Variants in CLIC5 observed in about 807,000 individuals in gnomAD.
CLIC5 encodes CLIC family member 5.
CLIC5 carries 20 observed loss-of-function variants against 24.7 expected under a neutral mutation model. That is an observed-to-expected ratio of 0.81 (90% CI 0.57 to 1.18). CLIC5 has a LOEUF of 1.18. CLIC5 is among the 50% of genes most tolerant of loss of function. The pLI is 0.00. For missense variants in CLIC5, 341 were observed against 326.1 expected (o/e 1.05, Z -0.35); for synonymous variants, 159 against 135.6 (o/e 1.17, Z -1.20).
chr6:46,004,446 C>T (rs568065417), intron 1 of CLIC5, among the ~76,000 whole-genome samples: 1 of 152,294 alleles, frequency 6.6e-6, no homozygotes, highest in East Asian at 1.9e-4. Flanking sequence ...CTTCAATCTT[C>T]CCTGTGCTGG....
chr6:46,100,011 C>G, the CLIC5 span, among the ~76,000 whole-genome samples: 1 of 151,806 alleles, frequency 6.6e-6, no homozygotes, highest in Admixed American at 6.6e-5. Flanking sequence ...GGGCTGAGAC[C>G]TCGCTTCTAC....
intron 4 of CLIC5, among the ~76,000 whole-genome samples, chr6:45,936,982 C>G (rs1478429105): frequency 2.0e-5 from 3 of 151,894 alleles, no homozygotes; most frequent in Non-Finnish European, 2.9e-5. Context: ...ACCAAGGGGA[C>G]CTGGATCTAG....
intron 1 of CLIC5, among the ~76,000 whole-genome samples, chr6:46,036,053 G>T (rs961666915): frequency 1.3e-5 from 2 of 151,612 alleles, no homozygotes; most frequent in Admixed American, 6.6e-5. Flanking sequence ...CCCAGAGTTG[G>T]TTTTTAATGA....
intron 1 of CLIC5, among the ~76,000 whole-genome samples, chr6:46,036,467 C>A (rs554285435): frequency 1.3e-5 from 2 of 151,916 alleles, no homozygotes; most frequent in Non-Finnish European, 2.9e-5. Context: ...CCTGCCACCA[C>A]GCCCAGCTAA....
chr6:46,107,060 C>T, the CLIC5 span, among the ~76,000 whole-genome samples: 1 of 152,148 alleles, frequency 6.6e-6, no homozygotes, highest in Non-Finnish European at 1.5e-5. Flanking sequence ...TCATAAATAA[C>T]TAGCCCAAAA....
intron 1 of CLIC5, among the ~76,000 whole-genome samples, chr6:46,067,828 T>C (rs1459259887): frequency 1.3e-5 from 2 of 152,204 alleles, no homozygotes; most frequent in East Asian, 3.8e-4. Context: ...ATTCTGGAAC[T>C]GGCTGCCCAT....
chr6:45,916,389 A>G (rs1763033373), intron 4 of CLIC5, among the ~76,000 whole-genome samples: 1 of 152,172 alleles, frequency 6.6e-6, no homozygotes, highest in Admixed American at 6.5e-5. Flanking sequence ...AATGCTTATT[A>G]TGCTTTTCTC....
upstream of CLIC5, among the ~76,000 whole-genome samples, chr6:46,081,561 A>T (rs1762920429): frequency 1.3e-5 from 2 of 152,224 alleles, no homozygotes; most frequent in African/African-American, 4.8e-5. Context: ...GGCTATTGAC[A>T]CTGGACATTT....
Position 45,914,266 on chromosome 6 carries a change from C to T in CLIC5, c.550G>A (p.Ala184Thr). 1 of 1,607,218 alleles carries T rather than the reference C, an allele frequency of 6.2e-7. No individual in the cohort carries two copies. Among genetic ancestry groups the T allele is most frequent in the Non-Finnish European group, 8.5e-7 (1 of 1,175,254 alleles). Residue 184 changes from alanine (A) to threonine (T), a missense_variant, in exon 5 of 6, where the codon GCT (alanine) becomes ACT (threonine). Ala to Thr is a moderately conservative substitution (Grantham distance 58). Coordinates refer to ENST00000339561, the MANE Select transcript of CLIC5 (RefSeq NM_016929.5). ...KFLDGDELTL[A>T]DCNLLPKLHV... is the part of the protein sequence containing the mutation. ...AGCTTGGGCAACAGATTGCAGTCAGCCAGGGTCAGCTCATCCCCATCCAGG... is the reference window on the plus strand; with the variant it reads ...AGCTTGGGCAACAGATTGCAGTCAGTCAGGGTCAGCTCATCCCCATCCAGG...
chr6:46,073,404 T>C (rs1047301809), intron 1 of CLIC5, among the ~76,000 whole-genome samples: 2 of 152,208 alleles, frequency 1.3e-5, no homozygotes, highest in African/African-American at 2.4e-5. Flanking sequence ...CCACGAAAAT[T>C]GGTTTATATG....
intron 1 of CLIC5, among the ~76,000 whole-genome samples, chr6:46,051,514 T>A (rs1431646441): frequency 6.6e-6 from 1 of 152,218 alleles, no homozygotes; most frequent in Non-Finnish European, 1.5e-5. Flanking sequence ...ATAAGACGGT[T>A]AGGGTTTCTC....
Position 45,901,495 on chromosome 6 carries a change from C to A in CLIC5, c.*1593G>T, listed in dbSNP as rs1762510638. 1.3e-5 allele frequency: 2 copies of A among 152,186 alleles called. No homozygotes were observed. Among genetic ancestry groups the A allele is most frequent in the South Asian group, 4.2e-4 (2 of 4,808 alleles). The allele number at this position is 152,186 out of a possible 1,614,324, so 9.4% of individuals were successfully genotyped here. A position where few individuals can be genotyped will look rare whatever the true frequency, so the allele number is the denominator to read the frequency against. On this transcript the variant is annotated 3_prime_UTR_variant, in exon 6 of 6. Transcript: ENST00000339561. ...TATGGAAAGGACCCGTGCTATCCTG[C>A]CCTTGCTGAGAAATGAGCCAAGTCC...
chr6:46,005,913 T>G (rs571978446), intron 1 of CLIC5, among the ~76,000 whole-genome samples: 8 of 150,516 alleles, frequency 5.3e-5, no homozygotes, highest in African/African-American at 2.0e-4. Context: ...TTCTGTTGTT[T>G]ATAAGCTACC....
intron 3 of CLIC5, among the ~76,000 whole-genome samples, chr6:45,948,174 A>C (rs1320110557): frequency 6.6e-6 from 1 of 152,260 alleles, no homozygotes; most frequent in African/African-American, 2.4e-5. Flanking sequence ...AATGAAGGCT[A>C]TAAAAGTGTT....
At chr6:45,912,791 A>G in intron 5 of CLIC5, 1 of 1,248,328 alleles carries the variant, frequency 8.0e-7, no homozygotes, top group Non-Finnish European at 1.1e-6. Flanking sequence ...GTAGTTAATA[A>G]CTTCAAAGAG....
At chr6:46,018,217 G>A (rs114771639), upstream of CLIC5, among the ~76,000 whole-genome samples, 3,285 of 152,244 alleles carry the variant, frequency 0.022, 132 homozygotes, top group African/African-American at 0.076. Flanking sequence ...AAATGTCTTC[G>A]AGGGTTTTGG....
chr6:46,051,556 C>T (rs545074941), intron 1 of CLIC5, among the ~76,000 whole-genome samples: 1 of 152,202 alleles, frequency 6.6e-6, no homozygotes, highest in Admixed American at 6.5e-5. Flanking sequence ...CCCTGTGATT[C>T]TGCAGTTGGG....
rs531928617 is a variant in CLIC5 at position 45,923,078 on chromosome 6, A to G, written c.407-8669T>C. The stretch of plus-strand genomic sequence containing the variant: ...ACGTGTGTTTTCTATTAGACTTTCC[A>G]GAAACTCATAAATGATTGTAGAACC... On this transcript the variant is annotated intron_variant, in intron 4 of 5. Coordinates refer to ENST00000339561, the MANE Select transcript of CLIC5 (RefSeq NM_016929.5). Among the ~76,000 whole-genome samples, 56 of 152,350 alleles carry G rather than the reference A, an allele frequency of 3.7e-4. No homozygotes were observed. In the South Asian group the frequency reaches 6.8e-3, roughly 19 times the overall value.
At chr6:46,010,557 G>A (rs1329178905) in intron 1 of CLIC5, among the ~76,000 whole-genome samples, 1 of 152,188 alleles carries the variant, frequency 6.6e-6, no homozygotes. Context: ...CTAACTGACT[G>A]TCTAAATTGA....
Sources: gnomAD v4.1 joint callset for allele counts (sites outside exome capture counted in the v4.1 genomes callset) on GRCh38, gnomAD v4.1.1 for gene constraint, MANE v1.5 for transcripts, NCBI Gene and HGNC (gene_info 2026-07-23, HGNC 2026-07-21) for gene names.